Variants in OSBPL9 observed in about 807,000 individuals in gnomAD.
OSBPL9 encodes the protein oxysterol-binding protein-related protein 9.
In OSBPL9, 40 loss-of-function variants were observed where a neutral mutation model predicts 106.6. The observed-to-expected ratio is 0.38, with a 90% CI of 0.29 to 0.49. The LOEUF (loss-of-function observed/expected upper bound fraction) is 0.49. Ranked by LOEUF, OSBPL9 falls within the 20% of genes least tolerant of loss-of-function variation. The pLI is 0.97. For synonymous variants in OSBPL9, 269 were observed against 295.4 expected (o/e 0.91, Z 0.92); for missense variants, 609 against 887.2 (o/e 0.69, Z 3.98).
At chr1:51,577,408 C>T (rs1173585642) in intron 1 of OSBPL9, among the ~76,000 whole-genome samples, 1 of 150,658 alleles carries the variant, frequency 6.6e-6, no homozygotes, top group African/African-American at 2.5e-5. Flanking sequence ...CAACCAACGC[C>T]TCTGGTTCAA....
the OSBPL9 span, among the ~76,000 whole-genome samples, chr1:51,530,318 T>G: frequency 6.6e-6 from 1 of 150,894 alleles, no homozygotes; most frequent in Non-Finnish European, 1.5e-5. Flanking sequence ...CTGGATGTCA[T>G]CAGAACTTCT....
intron 3 of OSBPL9, among the ~76,000 whole-genome samples, chr1:51,704,176 T>C (rs566519317): frequency 1.3e-5 from 2 of 152,296 alleles, no homozygotes; most frequent in East Asian, 1.9e-4. Flanking sequence ...GGATTCCCTC[T>C]TTTTCTATTG....
At chr1:51,696,515 T>C (rs1427924502) in intron 3 of OSBPL9, among the ~76,000 whole-genome samples, 1 of 152,212 alleles carries the variant, frequency 6.6e-6, no homozygotes, top group Non-Finnish European at 1.5e-5. Flanking sequence ...GTTCAGTGAT[T>C]CTAGTCGTTG....
At chr1:51,738,480 A>G (rs1666197519) in intron 4 of OSBPL9, among the ~76,000 whole-genome samples, 1 of 151,932 alleles carries the variant, frequency 6.6e-6, no homozygotes, top group Non-Finnish European at 1.5e-5. Context: ...AACTTTCTTT[A>G]TATTGTTTGA....
chr1:51,600,509 A>G (rs1030529043), intron 2 of OSBPL9, among the ~76,000 whole-genome samples: 1 of 148,324 alleles, frequency 6.7e-6, no homozygotes, highest in African/African-American at 2.6e-5. Flanking sequence ...ATTATTATAT[A>G]TTCATTATTA....
chr1:51,687,441 C>T (rs1364564086), intron 3 of OSBPL9, among the ~76,000 whole-genome samples: 1 of 152,164 alleles, frequency 6.6e-6, no homozygotes, highest in Non-Finnish European at 1.5e-5. Flanking sequence ...ACATAAGTGC[C>T]ATAGAGACCT....
At chr1:51,610,486 CT>C (rs1643980246) in intron 2 of OSBPL9, among the ~76,000 whole-genome samples, 2 of 152,176 alleles carry the variant, frequency 1.3e-5, no homozygotes, top group Admixed American at 1.3e-4. Context: ...TTTTGAACTC[CT>C]AACCTTAATT....
intron 4 of OSBPL9, among the ~76,000 whole-genome samples, chr1:51,733,070 A>G (rs1664821881): frequency 1.3e-5 from 2 of 152,130 alleles, no homozygotes; most frequent in East Asian, 1.9e-4. Context: ...AACCTTTTCT[A>G]TGATGCCTTC....
At chr1:51,532,412 G>A in the OSBPL9 span, among the ~76,000 whole-genome samples, 1 of 152,188 alleles carries the variant, frequency 6.6e-6, no homozygotes, top group South Asian at 2.1e-4. Flanking sequence ...GAATACCGAA[G>A]AGGGCTGAGT....
chr1:51,557,711 G>A, the OSBPL9 span, among the ~76,000 whole-genome samples: 10 of 152,152 alleles, frequency 6.6e-5, no homozygotes, highest in South Asian at 1.0e-3. Context: ...AAGTCTCCTC[G>A]CTGAGTCCTC....
chr1:51,650,361 T>C (rs1393391811), intron 1 of OSBPL9, among the ~76,000 whole-genome samples: 1 of 152,200 alleles, frequency 6.6e-6, no homozygotes, highest in Non-Finnish European at 1.5e-5. Flanking sequence ...TCATCAGGGA[T>C]TTTCAAATCT....
intron 1 of OSBPL9, among the ~76,000 whole-genome samples, chr1:51,624,089 G>C (rs945613939): frequency 6.6e-6 from 1 of 151,366 alleles, no homozygotes; most frequent in Non-Finnish European, 1.5e-5. Context: ...GCTAATTTTT[G>C]TATTTTTAGT....
chr1:51,614,065 G>A (rs1644007935), upstream of OSBPL9, among the ~76,000 whole-genome samples: 1 of 151,930 alleles, frequency 6.6e-6, no homozygotes, highest in Non-Finnish European at 1.5e-5. Context: ...TTACAGGCAT[G>A]AGCCACTGAG....
At chr1:51,681,828 C>T (rs1652621610) in intron 3 of OSBPL9, among the ~76,000 whole-genome samples, 1 of 152,114 alleles carries the variant, frequency 6.6e-6, no homozygotes, top group Non-Finnish European at 1.5e-5. Flanking sequence ...TTTAAACCAT[C>T]AATAGATTTC....
intron 4 of OSBPL9, among the ~76,000 whole-genome samples, chr1:51,728,249 T>C (rs78976911): frequency 0.012 from 1,816 of 152,166 alleles, 38 homozygotes; most frequent in African/African-American, 0.042. Flanking sequence ...GGGGAGGCAA[T>C]GAAGGGGTAA....
At chr1:51,564,931 C>G in the OSBPL9 span, among the ~76,000 whole-genome samples, 4 of 152,214 alleles carry the variant, frequency 2.6e-5, no homozygotes, top group Non-Finnish European at 4.4e-5. Context: ...TCTTCCTACC[C>G]TAAGCCTGCC....
At chr1:51,688,871 C>T (rs1407624683) in intron 3 of OSBPL9, among the ~76,000 whole-genome samples, 1 of 151,986 alleles carries the variant, frequency 6.6e-6, no homozygotes, top group African/African-American at 2.4e-5. Flanking sequence ...TATATGCTCT[C>T]TGAAAGAAAG....
intron 20 of OSBPL9, chr1:51,784,932 C>T: frequency 3.9e-6 from 1 of 253,614 alleles, no homozygotes; most frequent in Non-Finnish European, 7.6e-6. Context: ...CTTTGTGACC[C>T]CTGCAGCACT....
intron 2 of OSBPL9, among the ~76,000 whole-genome samples, chr1:51,669,151 C>T (rs1357801420): frequency 6.6e-6 from 1 of 152,184 alleles, no homozygotes; most frequent in Non-Finnish European, 1.5e-5. Context: ...TCTTAAAACA[C>T]AGATCCTAGA....
Sources: gnomAD v4.1 joint callset for allele counts (sites outside exome capture counted in the v4.1 genomes callset) on GRCh38, gnomAD v4.1.1 for gene constraint, MANE v1.5 for transcripts, NCBI Gene and HGNC (gene_info 2026-07-23, HGNC 2026-07-21) for gene names.